The following CDH12 variants were observed in gnomAD, a reference collection of about 807,000 sequenced individuals.
CDH12 encodes cadherin 12, also known as cadherin-12.
CDH12 carries 41 observed loss-of-function variants against 74.1 expected under a neutral mutation model. The ratio of observed to expected loss-of-function variants is 0.55; its 90% confidence interval spans 0.43 to 0.72. The LOEUF is 0.72. CDH12 is among the 30% of genes least tolerant of loss of function. The pLI is 0.00. For missense variants in CDH12, 945 were observed against 977.2 expected (o/e 0.97, Z 0.44); for synonymous variants, 399 against 355.0 (o/e 1.12, Z -1.39).
chr5:22,493,726 G>C (rs1342952430), intron 2 of CDH12, among the ~76,000 whole-genome samples: 1 of 152,130 alleles, frequency 6.6e-6, no homozygotes, highest in African/African-American at 2.4e-5. Context: ...TGAGATGGGA[G>C]GAAAGGCTGG....
At chr5:22,392,075 T>C (rs772698875) in intron 3 of CDH12, among the ~76,000 whole-genome samples, 1 of 152,184 alleles carries the variant, frequency 6.6e-6, no homozygotes, top group African/African-American at 2.4e-5. Flanking sequence ...ATATTTATTC[T>C]GGTAACACTT....
chr5:22,073,275 A>C (rs1032059507), intron 5 of CDH12, among the ~76,000 whole-genome samples: 11 of 152,140 alleles, frequency 7.2e-5, no homozygotes, highest in Non-Finnish European at 2.9e-5. Context: ...GTTTAGATTT[A>C]AGAATTGCTG....
At chr5:22,700,325 G>T (rs1356920020) in intron 1 of CDH12, among the ~76,000 whole-genome samples, 1 of 152,060 alleles carries the variant, frequency 6.6e-6, no homozygotes, top group Non-Finnish European at 1.5e-5. Flanking sequence ...GTTGCAGGTT[G>T]CCCACTGAAC....
intron 1 of CDH12, among the ~76,000 whole-genome samples, chr5:22,708,604 GCA>G (rs1168744467): frequency 6.6e-6 from 1 of 152,110 alleles, no homozygotes; most frequent in Non-Finnish European, 1.5e-5. Flanking sequence ...TGTAGTTAGA[GCA>G]CAGAGAGAAG....
rs1580626865 is a variant in CDH12 at position 22,417,819 on chromosome 5, T to G, written c.-427-12468A>C. ...CCTTTTTACATTATTTTGGATATTC[T>G]TATCTAATAATAGCTCAAAACTTGA... On this transcript the variant is annotated intron_variant, in intron 2 of 14. Coordinates refer to ENST00000382254, the MANE Select transcript of CDH12 (RefSeq NM_004061.5). Among the ~76,000 whole-genome samples, 3 of 152,310 alleles carry G rather than the reference T, an allele frequency of 2.0e-5. No individual in the cohort carries two copies. The South Asian group carries it at 6.2e-4, about 32-fold the overall frequency.
intron 3 of CDH12, among the ~76,000 whole-genome samples, chr5:22,367,580 C>T (rs192814294): frequency 1.3e-5 from 2 of 152,264 alleles, no homozygotes; most frequent in East Asian, 1.9e-4. Context: ...CCCAATGACC[C>T]TTGGTCATAT....
intron 4 of CDH12, among the ~76,000 whole-genome samples, chr5:22,179,952 C>T (rs1425511731): frequency 6.6e-6 from 1 of 152,132 alleles, no homozygotes; most frequent in Non-Finnish European, 1.5e-5. Context: ...GGTAAATTCA[C>T]GGTGACTTCA....
intron 5 of CDH12, among the ~76,000 whole-genome samples, chr5:22,025,833 CA>C (rs915117450): frequency 6.6e-6 from 1 of 152,146 alleles, no homozygotes; most frequent in Non-Finnish European, 1.5e-5. Flanking sequence ...TCCATCTTAA[CA>C]AATCACTTTT....
At chr5:22,618,357 T>A (rs1484816843) in intron 1 of CDH12, among the ~76,000 whole-genome samples, 4 of 152,106 alleles carry the variant, frequency 2.6e-5, no homozygotes, top group African/African-American at 9.7e-5. Context: ...TCCTCTAGGA[T>A]CAACATTACA....
intron 5 of CDH12, among the ~76,000 whole-genome samples, chr5:22,069,397 TA>T: frequency 1.3e-5 from 2 of 152,192 alleles, no homozygotes; most frequent in South Asian, 4.1e-4. Context: ...GCATCCAATA[TA>T]TGGCACTATT....
chr5:21,757,332 C>T (rs760725840), intron 13 of CDH12, among the ~76,000 whole-genome samples: 17 of 151,998 alleles, frequency 1.1e-4, no homozygotes, highest in Non-Finnish European at 1.9e-4. Flanking sequence ...CCTGCCACCA[C>T]GCCCAGCGAA....
intron 4 of CDH12, among the ~76,000 whole-genome samples, chr5:22,115,393 A>G (rs1302716886): frequency 6.6e-6 from 1 of 152,196 alleles, no homozygotes; most frequent in Non-Finnish European, 1.5e-5. Flanking sequence ...AGCTTCAAAA[A>G]TGGATATGAT....
At chr5:21,997,995 A>G (rs981389036) in intron 5 of CDH12, among the ~76,000 whole-genome samples, 4 of 152,274 alleles carry the variant, frequency 2.6e-5, no homozygotes, top group African/African-American at 9.6e-5. Flanking sequence ...GCTGAAAAGA[A>G]GAGAGATTTT....
chr5:22,171,307 G>T (rs1749016829), intron 4 of CDH12, among the ~76,000 whole-genome samples: 1 of 151,790 alleles, frequency 6.6e-6, no homozygotes. Flanking sequence ...TGTTCGTTAA[G>T]TGCTCCCAGC....
intron 1 of CDH12, among the ~76,000 whole-genome samples, chr5:22,666,604 A>G (rs969368002): frequency 1.3e-5 from 2 of 151,850 alleles, no homozygotes; most frequent in Non-Finnish European, 2.9e-5. Flanking sequence ...CTATCTTACC[A>G]GTCCCATTCT....
At chr5:22,289,174 T>C (rs1452492513) in intron 3 of CDH12, among the ~76,000 whole-genome samples, 2 of 152,202 alleles carry the variant, frequency 1.3e-5, no homozygotes, top group Admixed American at 6.5e-5. Context: ...AAAGTGCTTA[T>C]CAAGTCCCAG....
chr5:22,454,219 G>T (rs778740008), intron 2 of CDH12, among the ~76,000 whole-genome samples: 1 of 152,028 alleles, frequency 6.6e-6, no homozygotes, highest in Non-Finnish European at 1.5e-5. Context: ...AGTTCAATTT[G>T]CATTTTAAAA....
At chr5:22,504,719 T>C (rs1736312050) in intron 2 of CDH12, among the ~76,000 whole-genome samples, 3 of 152,060 alleles carry the variant, frequency 2.0e-5, no homozygotes, top group Admixed American at 2.0e-4. Context: ...GAAAAGCAGA[T>C]TACAATTGCC....
chr5:22,512,193 G>C (rs1308740485), intron 1 of CDH12, among the ~76,000 whole-genome samples: 1 of 151,962 alleles, frequency 6.6e-6, no homozygotes, highest in African/African-American at 2.4e-5. Context: ...ACAACACGAG[G>C]GCAACAAAAG....
Sources: gnomAD v4.1 joint callset for allele counts (sites outside exome capture counted in the v4.1 genomes callset) on GRCh38, gnomAD v4.1.1 for gene constraint, MANE v1.5 for transcripts, NCBI Gene and HGNC (gene_info 2026-07-23, HGNC 2026-07-21) for gene names.